The following RNF17 variants were observed in gnomAD, a reference collection of about 807,000 sequenced individuals.
RNF17 encodes ring finger protein 17.
A neutral mutation model predicts 200.5 loss-of-function variants in RNF17; 31 were observed. The ratio of observed to expected loss-of-function variants is 0.15; its 90% CI spans 0.12 to 0.21. RNF17 has a LOEUF of 0.21. Ranked by LOEUF, RNF17 falls within the 10% of genes least tolerant of loss-of-function variation. RNF17 has a pLI of 1.00. For synonymous variants in RNF17, 606 were observed against 637.8 expected, an observed-to-expected ratio of 0.95 and a Z score of 0.75; for missense variants, 1,628 against 1,905.1, an observed-to-expected ratio of 0.85 and a Z score of 2.71.
intron 23 of RNF17, among the ~76,000 whole-genome samples, chr13:24,851,194 A>T (rs1200285752): frequency 6.6e-6 from 1 of 152,154 alleles, no homozygotes; most frequent in Non-Finnish European, 1.5e-5. Flanking sequence ...GGGTTTCCCC[A>T]TGTTGGTCAG....
At chr13:24,778,583 C>T (rs1377966622) in intron 4 of RNF17, among the ~76,000 whole-genome samples, 177 bp downstream of exon 4, 1 of 152,170 alleles carries the variant, frequency 6.6e-6, no homozygotes, top group African/African-American at 2.4e-5. Context: ...TCTTTTCTTC[C>T]AAGGCAGCCT....
rs562490819 is a variant in RNF17 at position 24,877,052 on chromosome 13, C to G, written c.4639C>G (p.Leu1547Val). The G allele has an allele frequency of 1.4e-5, 22 of 1,612,978 alleles. No individual in the cohort carries two copies. The highest frequency in any genetic ancestry group is 5.0e-5 in the Admixed American group (3 of 59,736). ...MRYPARAIKVLLAGFKPPLRD... is the reference protein window; with the variant it reads ...MRYPARAIKVVLAGFKPPLRD... ...GTATCCAGCTCGAGCCATAAAGGTT[C>G]TCTTGGCAGGGTTTAAACCTCCCTT... The change falls in exon 34 of 36, where the codon CTC becomes GTC. Residue 1547 changes from leucine (L) to valine (V), a missense_variant. Physicochemically the swap from Leu to Val is conservative, Grantham distance 32 (BLOSUM62 1). Transcript: ENST00000255324.
At chr13:24,882,040 A>C (rs199515457), downstream of RNF17, among the ~76,000 whole-genome samples, 15 of 45,104 alleles carry the variant, frequency 3.3e-4, 1 homozygote, top group East Asian at 7.2e-3. Flanking sequence ...ATATAGATAC[A>C]TCTATATAGA....
At chr13:24,798,320 T>G (rs574477428) in intron 11 of RNF17, among the ~76,000 whole-genome samples, 1 of 152,276 alleles carries the variant, frequency 6.6e-6, no homozygotes, top group Admixed American at 6.5e-5. Context: ...TCAATGACAT[T>G]AAGTGGGGAT....
chr13:24,862,804 G>A lies in RNF17; in HGVS notation c.3975+11G>A, dbSNP rs766421603. Reference sequence around the variant, plus strand: ...GACATTCACATTATGGTAATTTAAAGTATATATAGTTGTTATAAATTACTT... The same window carrying A: ...GACATTCACATTATGGTAATTTAAAATATATATAGTTGTTATAAATTACTT... On this transcript the variant is annotated intron_variant, in intron 28 of 35. Transcript: ENST00000255324. 3.4e-5 allele frequency: 49 copies of A among 1,431,944 alleles called. No homozygotes were observed. Among genetic ancestry groups the A allele is most frequent in the Non-Finnish European group, 4.1e-5 (42 of 1,017,450 alleles). The allele number at this position is 1,431,944 out of a possible 1,614,324, so 88.7% of individuals were successfully genotyped here.
the RNF17 span, chr13:24,885,836 G>GTACT: frequency 1.6e-6 from 1 of 625,354 alleles, no homozygotes; most frequent in Non-Finnish European, 2.9e-6. Flanking sequence ...TCCGACACAG[G>GTACT]TACTTAAGTC....
chr13:24,794,805 CTCCTCAG>C (rs1400074308), intron 10 of RNF17, among the ~76,000 whole-genome samples: 1 of 152,200 alleles, frequency 6.6e-6, no homozygotes, highest in Non-Finnish European at 1.5e-5. Flanking sequence ...TCACTGCAAC[CTCCTCAG>C]GCTCAAATGA....
At chr13:24,835,002 A>G (rs1210907014) in intron 18 of RNF17, among the ~76,000 whole-genome samples, 1 of 152,140 alleles carries the variant, frequency 6.6e-6, no homozygotes, top group Non-Finnish European at 1.5e-5. Flanking sequence ...TGGGAATGAG[A>G]CTGGCCCTTT....
intron 30 of RNF17, 29 bp downstream of exon 30, chr13:24,866,232 C>T (rs774604544): frequency 3.3e-5 from 40 of 1,223,440 alleles, no homozygotes; most frequent in Non-Finnish European, 4.5e-5. Context: ...ATTTTGGAAA[C>T]TTTGGACACT....
Position 24,859,289 on chromosome 13 carries a change from A to C in RNF17, c.3774+125A>C, listed in dbSNP as rs191188548. ...TTGATGAAAATTGTGTAGGAAGATC[A>C]GTTATATTGTACTTTTATTTGTAAT... On this transcript the variant is annotated intron_variant, in intron 26 of 35. Transcript: ENST00000255324. 3 of 685,576 alleles carry C rather than the reference A, an allele frequency of 4.4e-6. No homozygotes were observed. In the East Asian group the frequency reaches 8.8e-5, roughly 20 times the overall value. The allele number at this position is 685,576 out of a possible 1,614,324, so 42.5% of individuals were successfully genotyped here. A position where few individuals can be genotyped will look rare whatever the true frequency, so the allele number is the denominator to read the frequency against.
chr13:24,760,183 C>T (rs1007077621), upstream of RNF17, among the ~76,000 whole-genome samples: 1 of 151,954 alleles, frequency 6.6e-6, no homozygotes, highest in South Asian at 2.1e-4. Context: ...GAGATGCATA[C>T]ACATATACAC....
intron 31 of RNF17, 148 bp from the exon 32 acceptor site, chr13:24,870,423 T>C (rs571714859): frequency 1.7e-6 from 1 of 602,102 alleles, no homozygotes; most frequent in Admixed American, 2.9e-5. Flanking sequence ...TGTGGTAGGA[T>C]GTGGGAAGGA....
chr13:24,831,211 C>CG (rs11439628), intron 17 of RNF17, among the ~76,000 whole-genome samples: 29,746 of 151,898 alleles, frequency 0.2, 3,173 homozygotes, highest in South Asian at 0.32. Context: ...GAGGCCGAGG[C>CG]GGGGGGATCA....
intron 22 of RNF17, among the ~76,000 whole-genome samples, chr13:24,845,748 A>G (rs1414701621): frequency 2.0e-5 from 3 of 152,240 alleles, no homozygotes; most frequent in Non-Finnish European, 4.4e-5. Context: ...TCTTATATGA[A>G]TGCAAGAAAG....
rs181785003 is a variant in RNF17 at position 24,768,265 on chromosome 13, A to G, written c.225+899A>G. The stretch of plus-strand genomic sequence containing the variant: ...AGCTTATATAATATTGTTCCTGGAA[A>G]GTTGACTCAAGCTGTAAATTCCTTT... On this transcript the variant is annotated intron_variant, in intron 2 of 35. Transcript: ENST00000255324. Among the ~76,000 whole-genome samples, 145 of 150,438 alleles carry G rather than the reference A, an allele frequency of 9.6e-4. 1 individual carries two copies. The highest frequency in any genetic ancestry group is 1.6e-3 in the Non-Finnish European group (111 of 67,846).
intron 15 of RNF17, among the ~76,000 whole-genome samples, chr13:24,817,583 G>T (rs1236213477): frequency 6.6e-6 from 1 of 151,994 alleles, no homozygotes; most frequent in African/African-American, 2.4e-5. Flanking sequence ...GCCAGCTGTG[G>T]TGGTGGGCAC....
intron 16 of RNF17, chr13:24,826,195 T>C (rs527289554): frequency 8.6e-5 from 53 of 615,450 alleles, no homozygotes; most frequent in Non-Finnish European, 1.1e-4. Flanking sequence ...CTGCTAGTTT[T>C]CTCGATATAT....
At chr13:24,800,629 A>C in intron 13 of RNF17, 95 bp downstream of exon 13, 1 of 939,884 alleles carries the variant, frequency 1.1e-6, no homozygotes, top group East Asian at 2.6e-5. Context: ...TCAGGGAACC[A>C]GTAATCTTGA....
chr13:24,788,211 T>A, intron 7 of RNF17, 52 bp downstream of exon 7: 1 of 1,340,782 alleles, frequency 7.5e-7, no homozygotes, highest in East Asian at 2.4e-5. Flanking sequence ...TTATTTTACA[T>A]GCTTTGGAAT....
Sources: allele counts gnomAD v4.1 joint callset (sites outside exome capture counted in the v4.1 genomes callset), GRCh38; gene constraint gnomAD v4.1.1; transcripts MANE v1.5; gene names NCBI Gene and HGNC (gene_info 2026-07-23, HGNC 2026-07-21).